Variants in RIN2 observed in about 807,000 individuals in gnomAD.
The protein encoded by RIN2 is RAB5 interacting protein 2.
RIN2 carries 36 observed loss-of-function variants against 78.0 expected under a neutral mutation model. The ratio of observed to expected loss-of-function variants is 0.46; its 90% CI spans 0.35 to 0.61. RIN2 has a LOEUF of 0.61. Among genes scored for constraint, RIN2 ranks in the 20% least tolerant of loss-of-function variants. The probability of loss-of-function intolerance (pLI) is 0.00; values close to 1 mark genes in which losing one functional copy is unlikely to be tolerated. For synonymous variants in RIN2, 466 were observed against 466.8 expected, an observed-to-expected ratio of 1.00 and a Z score of 0.02; for missense variants, 1,087 against 1,159.7, an observed-to-expected ratio of 0.94 and a Z score of 0.91.
rs139642869 is a variant in RIN2, at chr20:19,842,387, CTTTTTTTT to C, written c.-37+42659_-37+42666del. The stretch of plus-strand genomic sequence containing the variant: ...TACAGGCACTCACCACCATCCCTGG[CTTTTTTTT>C]TTTTTTTTTTTTTTTTTTGTATTTT... On this transcript the variant is annotated intron_variant, in intron 2 of 12. Coordinates refer to ENST00000255006, the MANE Select transcript of RIN2 (RefSeq NM_018993.4). Among the ~76,000 whole-genome samples the C allele has an allele frequency of 1.4e-3, 66 of 46,198 alleles. 1 individual carries two copies. In the South Asian group the frequency reaches 0.019, roughly 13 times the overall value. 30.3% of individuals were successfully genotyped at this position (46,198 alleles called of 152,430 possible). A position where few individuals can be genotyped will look rare whatever the true frequency, so the allele number is the denominator to read the frequency against.
intron 2 of RIN2, among the ~76,000 whole-genome samples, chr20:19,827,822 T>C (rs1026846626): frequency 6.6e-6 from 1 of 151,844 alleles, no homozygotes; most frequent in African/African-American, 2.4e-5. Context: ...TTTTTTTTTT[T>C]TTTGCTGCTA....
At chr20:19,817,738 A>G (rs1331820882) in intron 2 of RIN2, among the ~76,000 whole-genome samples, 1 of 152,224 alleles carries the variant, frequency 6.6e-6, no homozygotes, top group Non-Finnish European at 1.5e-5. Context: ...ACTGATGCCC[A>G]CTGAGGTTCA....
intron 2 of RIN2, among the ~76,000 whole-genome samples, chr20:19,826,963 G>A (rs1408958633): frequency 1.5e-5 from 2 of 136,028 alleles, no homozygotes; most frequent in South Asian, 2.3e-4. Context: ...TTTTCTATTC[G>A]TTTGGTTTTG....
intron 2 of RIN2, 127 bp downstream of exon 2, chr20:19,799,874 G>C (rs2035186056): frequency 6.6e-6 from 1 of 152,202 alleles, no homozygotes; most frequent in Non-Finnish European, 1.5e-5. Context: ...AAGGGACTTT[G>C]CTCCGACAGA....
intron 4 of RIN2, among the ~76,000 whole-genome samples, chr20:19,942,424 C>T (rs1490189747): frequency 2.0e-5 from 3 of 152,122 alleles, no homozygotes; most frequent in Non-Finnish European, 4.4e-5. Context: ...TATCTGTTAT[C>T]TTTGGGAAGT....
intron 2 of RIN2, among the ~76,000 whole-genome samples, chr20:19,861,133 C>T (rs1346791506): frequency 6.6e-6 from 1 of 152,172 alleles, no homozygotes; most frequent in Non-Finnish European, 1.5e-5. Context: ...TGTCAAATGT[C>T]CTGCTTTGAT....
intron 1 of RIN2, among the ~76,000 whole-genome samples, chr20:19,773,699 T>C (rs1313384647): frequency 5.3e-5 from 8 of 151,958 alleles, no homozygotes; most frequent in Non-Finnish European, 1.0e-4. Flanking sequence ...TACATCTCTT[T>C]GGAGGTATTG....
intron 5 of RIN2, 123 bp downstream of exon 5, chr20:19,956,930 T>A (rs972682719): frequency 2.5e-6 from 2 of 790,076 alleles, no homozygotes; most frequent in African/African-American, 3.5e-5. Context: ...TCTCTTGATG[T>A]GTAACTGGTT....
At chr20:19,907,692 C>T (rs1208390323) in intron 3 of RIN2, among the ~76,000 whole-genome samples, 1 of 152,236 alleles carries the variant, frequency 6.6e-6, no homozygotes, top group Non-Finnish European at 1.5e-5. Context: ...GGTATAGCCA[C>T]AGGGCCTTGC....
chr20:19,760,815 A>G (rs1412448250), intron 1 of RIN2, among the ~76,000 whole-genome samples: 1 of 152,178 alleles, frequency 6.6e-6, no homozygotes, highest in African/African-American at 2.4e-5. Context: ...TTTCAGCAAG[A>G]AAGATTTCCC....
At chr20:19,844,669 C>CTTCTTCCTCTTCCT (rs1232176696) in intron 2 of RIN2, among the ~76,000 whole-genome samples, 1 of 76,166 alleles carries the variant, frequency 1.3e-5, no homozygotes, top group African/African-American at 6.2e-5. Flanking sequence ...TCTTCTTCTT[C>CTTCTTCCTCTTCCT]CTTCTTCTTC....
At chr20:19,818,046 A>C (rs1330291102) in intron 2 of RIN2, among the ~76,000 whole-genome samples, 1 of 152,232 alleles carries the variant, frequency 6.6e-6, no homozygotes, top group African/African-American at 2.4e-5. Flanking sequence ...AGCCCACTAC[A>C]CAGGTAGGCT....
chr20:19,907,839 C>T (rs139833109), intron 3 of RIN2, among the ~76,000 whole-genome samples: 1 of 152,314 alleles, frequency 6.6e-6, no homozygotes, highest in African/African-American at 2.4e-5. Context: ...ATCCCTGTTG[C>T]ACCATTACCA....
chr20:19,830,304 T>C (rs2036213589), intron 2 of RIN2, among the ~76,000 whole-genome samples: 1 of 152,214 alleles, frequency 6.6e-6, no homozygotes, highest in African/African-American at 2.4e-5. Context: ...TAGCTTTTCA[T>C]TAACTTTTAT....
intron 1 of RIN2, among the ~76,000 whole-genome samples, chr20:19,761,508 C>T (rs1299292767): frequency 6.6e-6 from 1 of 152,104 alleles, no homozygotes; most frequent in African/African-American, 2.4e-5. Flanking sequence ...TATTTGGCCA[C>T]AGAACACTCT....
chr20:19,889,591 C>T lies in RIN2; in HGVS notation c.-11C>T, dbSNP rs56311184. On this transcript the variant is annotated 5_prime_UTR_variant, in exon 3 of 13. Transcript: ENST00000255006. ...GAGTCCCCGGCGTGCAGTGGAGCCTCGCTGGGGGAAATGACAGCTTGGACC... is the reference window on the plus strand; with the variant it reads ...GAGTCCCCGGCGTGCAGTGGAGCCTTGCTGGGGGAAATGACAGCTTGGACC... 4.8e-3 allele frequency: 7,444 copies of T among 1,550,958 alleles called. 254 individuals are homozygous for T. The African/African-American group carries it at 0.082, about 17-fold the overall frequency.
At chr20:19,808,582 C>T (rs1303490771) in intron 2 of RIN2, among the ~76,000 whole-genome samples, 1 of 152,252 alleles carries the variant, frequency 6.6e-6, no homozygotes, top group African/African-American at 2.4e-5. Context: ...TCCCCTCCCC[C>T]AGTCCAATGG....
At chr20:19,818,431 C>T (rs975260098) in intron 2 of RIN2, among the ~76,000 whole-genome samples, 3 of 152,168 alleles carry the variant, frequency 2.0e-5, no homozygotes, top group African/African-American at 7.2e-5. Context: ...ACATGCCTTG[C>T]CCTAGTAATT....
intron 3 of RIN2, among the ~76,000 whole-genome samples, chr20:19,910,119 G>T (rs970854483): frequency 2.6e-5 from 4 of 152,104 alleles, no homozygotes; most frequent in African/African-American, 9.7e-5. Flanking sequence ...GTGTTTCCTT[G>T]CAACCTGGTT....
Sources: allele counts gnomAD v4.1 joint callset (sites outside exome capture counted in the v4.1 genomes callset), GRCh38; gene constraint gnomAD v4.1.1; transcripts MANE v1.5; gene names NCBI Gene and HGNC (gene_info 2026-07-23, HGNC 2026-07-21).